MYH9: variants seen among roughly 807,000 people sequenced by gnomAD.
MYH9 encodes the protein myosin heavy chain 9, also known as myosin-9.
A neutral mutation model predicts 241.9 loss-of-function variants in MYH9; 29 were observed. That is an observed-to-expected ratio of 0.12 (90% CI 0.09 to 0.16). The LOEUF is 0.16. Among genes scored for constraint, MYH9 ranks in the 10% least tolerant of loss-of-function variants. The pLI, the probability that MYH9 is intolerant of heterozygous loss-of-function variation, is 1.00. For synonymous variants in MYH9, 1,047 were observed against 1,062.6 expected, an observed-to-expected ratio of 0.99 and a Z score of 0.29; for missense variants, 1,803 against 2,595.5, an observed-to-expected ratio of 0.69 and a Z score of 6.63.
chr22:36,325,158 G>A, intron 5 of MYH9: 2 of 746,784 alleles, frequency 2.7e-6, no homozygotes, highest in Non-Finnish European at 5.0e-6. Context: ...TAGGGAGGGA[G>A]AGAGGGATGG....
chr22:36,338,749 G>A lies in MYH9; in HGVS notation c.490+2621C>T, dbSNP rs572599710. Among the ~76,000 whole-genome samples, 298 of 151,958 alleles carry A rather than the reference G, an allele frequency of 2.0e-3. 1 individual carries two copies. Among genetic ancestry groups the A allele is most frequent in the Middle Eastern group, 3.4e-3 (1 of 292 alleles). ...GCAGGAGAATTGCTTGAACCCAGGA[G>A]GCGGAGCCCGCAATGAGCCGAGATC... On this transcript the variant is annotated intron_variant, in intron 3 of 40. Transcript: ENST00000216181.
At chr22:36,339,968 C>T (rs2017558749) in intron 3 of MYH9, among the ~76,000 whole-genome samples, 1 of 152,078 alleles carries the variant, frequency 6.6e-6, no homozygotes, top group African/African-American at 2.4e-5. Context: ...CTTGGAGGCC[C>T]TAATGCTTCA....
intron 31 of MYH9, among the ~76,000 whole-genome samples, chr22:36,290,513 G>A (rs1422180882): frequency 1.3e-5 from 2 of 152,204 alleles, no homozygotes; most frequent in Admixed American, 1.3e-4. Context: ...CCACCTCCCA[G>A]CCGCCTGCCT....
rs1306132618 is a variant in MYH9 at position 36,319,562 on chromosome 22, C to T, written c.1086G>A (p.Gln362=). ...TACCTGTGTTGTCGGGCATGGACGC[C>T]TGGTCAGTGTTCCGCTCCTTCTTGA... ...IVFKKERNTD[Q]ASMPDNTAAQ... The change falls in exon 10 of 41, where the codon CAG becomes CAA. Residue 362 remains glutamine, a synonymous_variant. Coordinates refer to ENST00000216181, the MANE Select transcript of MYH9 (RefSeq NM_002473.6). The T allele has an allele frequency of 6.2e-7, 1 of 1,614,168 alleles. No homozygotes were observed. Among genetic ancestry groups the T allele is most frequent in the Non-Finnish European group, 8.5e-7 (1 of 1,180,032 alleles).
intron 1 of MYH9, among the ~76,000 whole-genome samples, chr22:36,354,956 A>AACACACACACAC (rs136203): frequency 0.093 from 11,516 of 123,534 alleles, 838 homozygotes; most frequent in Non-Finnish European, 0.12. Context: ...CAAAAAACAA[A>AACACACACACAC]ACACACACAC....
intron 24 of MYH9, 152 bp from the exon 25 acceptor site, chr22:36,297,166 G>A: frequency 1.2e-6 from 1 of 832,214 alleles, no homozygotes; most frequent in Non-Finnish European, 1.9e-6. Context: ...ACTCCTGGAT[G>A]CAGGAAGAGG....
intron 2 of MYH9, among the ~76,000 whole-genome samples, chr22:36,345,585 C>A (rs2017664561): frequency 6.6e-6 from 1 of 152,192 alleles, no homozygotes; most frequent in African/African-American, 2.4e-5. Flanking sequence ...ATGTCACCCC[C>A]ACAGACACAC....
chr22:36,344,224 C>G (rs531415444), intron 2 of MYH9, among the ~76,000 whole-genome samples: 8 of 152,372 alleles, frequency 5.3e-5, no homozygotes, highest in African/African-American at 1.7e-4. Context: ...TTCGCGCCCA[C>G]GCGGCGCGGC....
chr22:36,354,048 G>A (rs1301922601), intron 1 of MYH9, among the ~76,000 whole-genome samples: 3 of 151,954 alleles, frequency 2.0e-5, no homozygotes, highest in Admixed American at 2.0e-4. Flanking sequence ...CTACAGGCGT[G>A]TGCCACCACG....
rs2016740873 is a variant in MYH9 at position 36,293,599 on chromosome 22, A to G, written c.3943-118T>C. On this transcript the variant is annotated intron_variant, in intron 29 of 40. Coordinates refer to ENST00000216181, the MANE Select transcript of MYH9 (RefSeq NM_002473.6). The surrounding 1 kb of genome is among the most constrained non-coding windows in gnomAD (Gnocchi z 5.1). ...CTGCTGATTTAGGGGATGGCCACGT[A>G]AAGACCTGGAGGGAGCTGGGAGGAC... 1 of 1,467,326 alleles carries G rather than the reference A, an allele frequency of 6.8e-7. No homozygotes were observed. The highest frequency in any genetic ancestry group is 1.4e-5 in the African/African-American group (1 of 72,280). 90.9% of individuals were successfully genotyped at this position (1,467,326 alleles called of 1,614,324 possible). A position where few individuals can be genotyped will look rare whatever the true frequency, so the allele number is the denominator to read the frequency against.
At chr22:36,291,782 T>A (rs1030415750) in intron 31 of MYH9, among the ~76,000 whole-genome samples, 1 of 146,800 alleles carries the variant, frequency 6.8e-6, no homozygotes, top group African/African-American at 2.5e-5. Flanking sequence ...CCTCAACCCA[T>A]CGCATGAAGA....
chr22:36,309,395 A>G lies in MYH9; in HGVS notation c.1730T>C (p.Val577Ala), dbSNP rs1479935984. The change falls in exon 15 of 41, where the codon GTG becomes GCG. Residue 577 changes from valine (V) to alanine (A), a missense_variant and splice_region_variant. Coordinates refer to ENST00000216181, the MANE Select transcript of MYH9 (RefSeq NM_002473.6). Reference protein sequence around the residue: ...DFCIIHYAGKVDYKADEWLMK... With the variant: ...DFCIIHYAGKADYKADEWLMK... ...CAGCCACTCGTCAGCTTTGTAATCC[A>G]CCTGGCGGGGTCAGAGAGGCAGGAG... 6.2e-7 allele frequency: 1 copy of G among 1,613,542 alleles called. No homozygotes were observed. Among genetic ancestry groups the G allele is most frequent in the Non-Finnish European group, 8.5e-7 (1 of 1,179,602 alleles).
rs143911576 is a variant in MYH9 at position 36,311,897 on chromosome 22, C to T, written c.1728+152G>A. On this transcript the variant is annotated intron_variant, in intron 14 of 40. Coordinates refer to ENST00000216181, the MANE Select transcript of MYH9 (RefSeq NM_002473.6). The stretch of plus-strand genomic sequence containing the variant: ...GCTGTGTAAATGATGATGCTGTCAC[C>T]GGCCACATTACTGGGTGAGTCATTG... The T allele has an allele frequency of 3.0e-3, 2,530 of 854,704 alleles. 8 individuals carry two copies. Among genetic ancestry groups the T allele is most frequent in the Non-Finnish European group, 4.1e-3 (2,123 of 523,230 alleles). 52.9% of individuals were successfully genotyped at this position (854,704 alleles called of 1,614,324 possible).
chr22:36,336,591 C>G (rs1467275141), intron 3 of MYH9, among the ~76,000 whole-genome samples: 4 of 152,248 alleles, frequency 2.6e-5, no homozygotes, highest in Non-Finnish European at 5.9e-5. Context: ...GACCCAGGAA[C>G]GGCCATGACA....
rs541407215 is a variant in MYH9, at chr22:36,291,765, A to G, written c.4344+221T>C. ...AAAATGTAAAAAATCAGAAAGGAAA[A>G]GTCACTCCTCAACCCATCGCATGAA... On this transcript the variant is annotated intron_variant, in intron 31 of 40. Transcript: ENST00000216181. 3.3e-5 allele frequency among the ~76,000 whole-genome samples: 5 copies of G among 151,730 alleles called. No homozygotes were observed. The South Asian group carries it at 1.0e-3, about 32-fold the overall frequency.
At chr22:36,291,867 G>C in intron 31 of MYH9, 119 bp downstream of exon 31, 1 of 1,481,130 alleles carries the variant, frequency 6.8e-7, no homozygotes, top group Non-Finnish European at 9.2e-7. Context: ...CACTGGCCCC[G>C]CACGGCCCCT....
chr22:36,308,841 A>G (rs2017013828), intron 15 of MYH9: 5 of 985,326 alleles, frequency 5.1e-6, no homozygotes, highest in Non-Finnish European at 6.0e-6. Context: ...AAGCGATGAT[A>G]GAAATAGGCT....
chr22:36,342,421 T>C (rs1359123467), intron 2 of MYH9, among the ~76,000 whole-genome samples: 1 of 152,132 alleles, frequency 6.6e-6, no homozygotes, highest in Non-Finnish European at 1.5e-5. Flanking sequence ...GCACGCAGCA[T>C]AGCCTTGGAG....
In MYH9 at chr22:36,282,103, C is replaced by T. The variant is rs2016499460; in HGVS notation, c.*565G>A. The stretch of plus-strand genomic sequence containing the variant: ...CCACCCCAGCCTTCTGTGCCCTGCA[C>T]AGAGGTGGAGGCCCAGGGCCTGCTC... On this transcript the variant is annotated 3_prime_UTR_variant, in exon 41 of 41. Coordinates refer to ENST00000216181, the MANE Select transcript of MYH9 (RefSeq NM_002473.6). 4.0e-6 allele frequency: 1 copy of T among 249,170 alleles called. No homozygotes were observed. The highest frequency in any genetic ancestry group is 7.9e-6 in the Non-Finnish European group (1 of 126,152). 15.4% of individuals were successfully genotyped at this position (249,170 alleles called of 1,614,324 possible).
Sources: allele counts gnomAD v4.1 joint callset (sites outside exome capture counted in the v4.1 genomes callset), GRCh38; gene constraint gnomAD v4.1.1; non-coding constraint Gnocchi (gnomAD v3.1); transcripts MANE v1.5; gene names NCBI Gene and HGNC (gene_info 2026-07-23, HGNC 2026-07-21).